The following GADL1 variants were observed in gnomAD, a reference collection of about 807,000 sequenced individuals.
The protein encoded by GADL1 is GAD like acidic amino acid decarboxylase 1.
A neutral mutation model predicts 69.5 loss-of-function variants in GADL1; 71 were observed. That is an observed-to-expected ratio of 1.02 (90% CI 0.84 to 1.25). The LOEUF (loss-of-function observed/expected upper bound fraction) is 1.25, where lower values mean the gene tolerates loss of function less well. Among genes scored for constraint, GADL1 ranks in the 50% most tolerant of loss-of-function variants. The pLI is 0.00. For synonymous variants in GADL1, 254 were observed against 214.4 expected (o/e 1.18, Z -1.62); for missense variants, 737 against 631.8 (o/e 1.17, Z -1.79).
intron 11 of GADL1, among the ~76,000 whole-genome samples, chr3:30,802,920 T>C (rs1391812049): frequency 2.0e-5 from 3 of 152,226 alleles, no homozygotes; most frequent in East Asian, 3.9e-4. Flanking sequence ...GGCAACATAG[T>C]GAGACCCCAT....
At chr3:30,768,799 C>T (rs538155576) in intron 14 of GADL1, among the ~76,000 whole-genome samples, 1 of 152,166 alleles carries the variant, frequency 6.6e-6, no homozygotes, top group Non-Finnish European at 1.5e-5. Flanking sequence ...GAACCGGATA[C>T]CCTGACACCT....
intron 14 of GADL1, among the ~76,000 whole-genome samples, chr3:30,738,886 C>T (rs1037319159): frequency 8.5e-5 from 13 of 152,250 alleles, no homozygotes; most frequent in South Asian, 4.1e-4. Context: ...CATTTTCTCA[C>T]GGGTTTTCTC....
chr3:30,844,812 G>A (rs1456695475), intron 6 of GADL1, among the ~76,000 whole-genome samples: 1 of 152,130 alleles, frequency 6.6e-6, no homozygotes, highest in East Asian at 1.9e-4. Context: ...AATATATGTA[G>A]AGGGCTTAGC....
At chr3:30,876,582 G>A (rs772489811) in intron 1 of GADL1, among the ~76,000 whole-genome samples, 10 of 152,034 alleles carry the variant, frequency 6.6e-5, no homozygotes, top group East Asian at 1.9e-4. Context: ...TAACAGAAAC[G>A]GAGTAGAGTG....
chr3:30,817,078 A>G (rs2125515765), intron 11 of GADL1, among the ~76,000 whole-genome samples: 2 of 152,228 alleles, frequency 1.3e-5, no homozygotes, highest in South Asian at 4.2e-4. Flanking sequence ...CCCCTGCCTT[A>G]CAAAATCCAT....
intron 14 of GADL1, among the ~76,000 whole-genome samples, chr3:30,754,965 A>G (rs1243586044): frequency 6.6e-6 from 1 of 152,068 alleles, no homozygotes; most frequent in Admixed American, 6.6e-5. Context: ...TTCACTGAGG[A>G]AGCAGACCAA....
At chr3:30,750,465 G>C (rs1695791056) in intron 14 of GADL1, among the ~76,000 whole-genome samples, 1 of 152,126 alleles carries the variant, frequency 6.6e-6, no homozygotes, top group South Asian at 2.1e-4. Context: ...GCCTCCCTCT[G>C]CTTAGGCTTC....
intron 1 of GADL1, among the ~76,000 whole-genome samples, chr3:30,884,935 C>T (rs2125546164): frequency 6.6e-6 from 1 of 152,142 alleles, no homozygotes; most frequent in South Asian, 2.1e-4. Flanking sequence ...GGGCAGTGAA[C>T]TGATGGCTCA....
intron 11 of GADL1, among the ~76,000 whole-genome samples, chr3:30,805,183 T>C (rs1437968623): frequency 6.6e-6 from 1 of 152,242 alleles, no homozygotes; most frequent in Non-Finnish European, 1.5e-5. Context: ...AGATAAATTC[T>C]ATTTTTGTCA....
chr3:30,752,970 C>T (rs1205777294), intron 14 of GADL1, among the ~76,000 whole-genome samples: 3 of 151,964 alleles, frequency 2.0e-5, no homozygotes, highest in African/African-American at 7.3e-5. Flanking sequence ...GTTTTGAACA[C>T]TTCATTGTCA....
Position 30,861,688 on chromosome 3 carries a change from T to C in GADL1, c.115A>G (p.Thr39Ala). The C allele has an allele frequency of 6.5e-7, 1 of 1,550,016 alleles. No individual in the cohort carries two copies. The highest frequency in any genetic ancestry group is 8.7e-7 in the Non-Finnish European group (1 of 1,145,518). ...LVDGVVLNGPTTDAKAGEKFV... is the reference protein window; with the variant it reads ...LVDGVVLNGPATDAKAGEKFV... Reference sequence around the variant, plus strand: ...TTTTCTCCAGCTTTTGCATCTGTTGTAGGACCATTCAGCACAACCCCATCC... The same window carrying C: ...TTTTCTCCAGCTTTTGCATCTGTTGCAGGACCATTCAGCACAACCCCATCC... Residue 39 changes from threonine to alanine, a missense_variant, in exon 2 of 15, where the codon ACA (threonine) becomes GCA (alanine). Thr to Ala is a moderately conservative substitution (Grantham distance 58). Transcript: ENST00000282538.
intron 11 of GADL1, among the ~76,000 whole-genome samples, chr3:30,817,802 C>G (rs1697500471): frequency 6.6e-6 from 1 of 152,088 alleles, no homozygotes; most frequent in African/African-American, 2.4e-5. Context: ...CAGAAGAATA[C>G]TATTTCAAGG....
rs111865466 is a variant in GADL1 at position 30,886,781 on chromosome 3, G to C, written c.37+7797C>G. Among the ~76,000 whole-genome samples, 225 of 152,278 alleles carry C rather than the reference G, an allele frequency of 1.5e-3. 4 individuals are homozygous for C. Among genetic ancestry groups the C allele is most frequent in the African/African-American group, 5.1e-3 (211 of 41,562 alleles). ...CCCAATCTATATTGTTGTGTGCAAG[G>C]TCACAGCCTAGAGCTCCTGGCAGGC... is the stretch of plus-strand genomic sequence containing the variant. On this transcript the variant is annotated intron_variant, in intron 1 of 14. Transcript: ENST00000282538.
intron 11 of GADL1, among the ~76,000 whole-genome samples, chr3:30,809,559 A>G (rs1697316160): frequency 6.6e-6 from 1 of 152,146 alleles, no homozygotes; most frequent in Admixed American, 6.5e-5. Context: ...TTCCCATTCC[A>G]GTCAAGCATT....
intron 12 of GADL1, among the ~76,000 whole-genome samples, chr3:30,793,470 A>G (rs996384678): frequency 6.6e-6 from 1 of 152,186 alleles, no homozygotes; most frequent in South Asian, 2.1e-4. Flanking sequence ...AACTACTATC[A>G]AAAGGCATTC....
intron 14 of GADL1, among the ~76,000 whole-genome samples, chr3:30,768,441 A>ATT (rs1359901053): frequency 6.6e-6 from 1 of 152,082 alleles, no homozygotes; most frequent in Non-Finnish European, 1.5e-5. Context: ...AGGGGAAAAC[A>ATT]TTAAGGAAAA....
chr3:30,861,747 T>C lies in GADL1; in HGVS notation c.56A>G (p.Glu19Gly). 1.3e-6 allele frequency: 2 copies of C among 1,545,942 alleles called. No individual in the cohort carries two copies. The highest frequency in any genetic ancestry group is 1.7e-6 in the Non-Finnish European group (2 of 1,144,194). ...AGCATTCTTCTTACTTGGAATCATC[T>C]CTTGTTGATCAATATCTCCTGGAAG... Reference protein sequence around the residue: ...CPVDGDIDQQEMIPSKKNAVL... With the variant: ...CPVDGDIDQQGMIPSKKNAVL... Residue 19 changes from glutamate (E) to glycine (G), a missense_variant, in exon 2 of 15, where the codon GAG (glutamate) becomes GGG (glycine). By Grantham distance (98) the Glu-to-Gly change is moderately conservative (BLOSUM62 -2). Coordinates refer to ENST00000282538, the MANE Select transcript of GADL1 (RefSeq NM_207359.3).
intron 13 of GADL1, among the ~76,000 whole-genome samples, chr3:30,779,727 TTA>T (rs1305010326): frequency 2.0e-5 from 3 of 152,198 alleles, no homozygotes; most frequent in Non-Finnish European, 2.9e-5. Flanking sequence ...AATATAGTAA[TTA>T]TCTGTCACTA....
chr3:30,757,880 G>C (rs1696017621), intron 14 of GADL1, among the ~76,000 whole-genome samples: 1 of 152,150 alleles, frequency 6.6e-6, no homozygotes, highest in Non-Finnish European at 1.5e-5. Context: ...AAAATCAAAA[G>C]GAATATCTGA....
Sources: gnomAD v4.1 joint callset for allele counts (sites outside exome capture counted in the v4.1 genomes callset) on GRCh38, gnomAD v4.1.1 for gene constraint, MANE v1.5 for transcripts, NCBI Gene and HGNC (gene_info 2026-07-23, HGNC 2026-07-21) for gene names.